Variants in VWA3B observed in about 807,000 individuals in gnomAD.
VWA3B encodes the protein von Willebrand factor A domain containing 3B, also known as von Willebrand factor A domain-containing protein 3B.
Under a neutral mutation model 158.3 loss-of-function variants are expected in VWA3B, and 138 were observed. The ratio of observed to expected loss-of-function variants is 0.87; its 90% CI spans 0.76 to 1.00. VWA3B has a LOEUF of 1.00. Among genes scored for constraint, VWA3B ranks in the 50% least tolerant of loss-of-function variants. VWA3B has a pLI of 0.00. For synonymous variants in VWA3B, 596 were observed against 587.3 expected (o/e 1.01, Z -0.21); for missense variants, 1,555 against 1,565.1 (o/e 0.99, Z 0.11).
At chr2:98,241,662 G>T (rs1302724107) in intron 19 of VWA3B, among the ~76,000 whole-genome samples, 1 of 151,970 alleles carries the variant, frequency 6.6e-6, no homozygotes, top group African/African-American at 2.4e-5. Flanking sequence ...TCTTCAGGGG[G>T]GCATCCTAGT....
chr2:98,147,958 T>C (rs753747152), intron 7 of VWA3B, among the ~76,000 whole-genome samples: 5 of 150,122 alleles, frequency 3.3e-5, no homozygotes, highest in Admixed American at 6.7e-5. Context: ...GAACATGCGG[T>C]GTTTGGTTTT....
intron 12 of VWA3B, among the ~76,000 whole-genome samples, chr2:98,194,809 AT>A (rs901545833): frequency 2.6e-5 from 4 of 151,874 alleles, no homozygotes; most frequent in African/African-American, 4.8e-5. Flanking sequence ...AGACATTCAG[AT>A]TTTTTTCTTC....
chr2:98,170,436 G>A (rs1679486191), intron 8 of VWA3B, among the ~76,000 whole-genome samples: 1 of 152,114 alleles, frequency 6.6e-6, no homozygotes, highest in Non-Finnish European at 1.5e-5. Context: ...GTTCATTCAG[G>A]CTCTGCAGGC....
Position 98,150,589 on chromosome 2 carries a change from G to C in VWA3B, c.989-12262G>C, listed in dbSNP as rs528477114. On this transcript the variant is annotated intron_variant, in intron 7 of 27. Coordinates refer to ENST00000477737, the MANE Select transcript of VWA3B (RefSeq NM_144992.5). ...ATCAAGTGAAATTGCCTCGAACCTT[G>C]ATTCTGTGGCTTGGTGGTGTCTAAA... 5.9e-5 allele frequency among the ~76,000 whole-genome samples: 9 copies of C among 152,350 alleles called. No individual in the cohort carries two copies. In the South Asian group the frequency reaches 1.9e-3, roughly 32 times the overall value.
intron 8 of VWA3B, among the ~76,000 whole-genome samples, chr2:98,179,814 C>CTTTCTTTCTT (rs1680365854): frequency 9.0e-6 from 1 of 111,614 alleles, no homozygotes; most frequent in Non-Finnish European, 1.7e-5. Context: ...TTCTTTCTTT[C>CTTTCTTTCTT]TTTCTTTCTT....
At chr2:98,242,577 C>T (rs1686146295) in intron 19 of VWA3B, among the ~76,000 whole-genome samples, 1 of 151,442 alleles carries the variant, frequency 6.6e-6, no homozygotes, top group African/African-American at 2.4e-5. Context: ...TTACAGCATC[C>T]CATCAAGGCT....
chr2:98,173,977 A>G (rs1679808553), intron 8 of VWA3B, among the ~76,000 whole-genome samples: 1 of 151,936 alleles, frequency 6.6e-6, no homozygotes, highest in Non-Finnish European at 1.5e-5. Context: ...AAAAGAAAAA[A>G]AAAATGACTG....
intron 7 of VWA3B, among the ~76,000 whole-genome samples, chr2:98,157,989 G>A (rs1254863914): frequency 6.6e-6 from 1 of 152,168 alleles, no homozygotes; most frequent in Non-Finnish European, 1.5e-5. Context: ...CTTGCTTACT[G>A]TGGCATGAAC....
intron 7 of VWA3B, among the ~76,000 whole-genome samples, chr2:98,142,674 A>T (rs1052094473): frequency 6.6e-6 from 1 of 152,214 alleles, no homozygotes; most frequent in Admixed American, 6.5e-5. Flanking sequence ...CAGAGGCATG[A>T]TGTTAAACCC....
At chr2:98,161,229 A>T (rs867249131) in intron 7 of VWA3B, among the ~76,000 whole-genome samples, 11 of 152,232 alleles carry the variant, frequency 7.2e-5, no homozygotes, top group Non-Finnish European at 1.3e-4. Context: ...GCCAGTTGCC[A>T]CCCAGATACA....
chr2:98,260,587 G>A (rs62156742), intron 21 of VWA3B, among the ~76,000 whole-genome samples: 5,879 of 151,724 alleles, frequency 0.039, 167 homozygotes, highest in Middle Eastern at 0.075. Context: ...AGAGGCTTGA[G>A]CGTCTGTGGA....
intron 14 of VWA3B, among the ~76,000 whole-genome samples, chr2:98,218,998 A>G (rs912126860): frequency 6.6e-6 from 1 of 152,218 alleles, no homozygotes; most frequent in African/African-American, 2.4e-5. Flanking sequence ...TCTTAAATGC[A>G]AGGCCTGAAA....
At chr2:98,322,517 A>G in the VWA3B span, among the ~76,000 whole-genome samples, 1 of 152,240 alleles carries the variant, frequency 6.6e-6, no homozygotes. Context: ...CATGTACAAG[A>G]GAGAACCCAG....
intron 8 of VWA3B, among the ~76,000 whole-genome samples, chr2:98,175,475 C>A (rs1679934597): frequency 6.6e-6 from 1 of 152,104 alleles, no homozygotes; most frequent in Non-Finnish European, 1.5e-5. Context: ...TTTGAGAAAG[C>A]AGAACAAACC....
intron 19 of VWA3B, among the ~76,000 whole-genome samples, chr2:98,249,328 T>G (rs1340800060): frequency 6.6e-6 from 1 of 152,162 alleles, no homozygotes; most frequent in Non-Finnish European, 1.5e-5. Context: ...GAACTTACAT[T>G]CTGATAGAGA....
At chr2:98,254,237 AAC>A (rs1686973837) in intron 20 of VWA3B, among the ~76,000 whole-genome samples, 1 of 152,064 alleles carries the variant, frequency 6.6e-6, no homozygotes, top group Admixed American at 6.5e-5. Context: ...TCAATGAGAA[AAC>A]AGTTTCCAAA....
At chr2:98,172,750 G>C (rs2105306305) in intron 8 of VWA3B, among the ~76,000 whole-genome samples, 1 of 152,306 alleles carries the variant, frequency 6.6e-6, no homozygotes, top group Non-Finnish European at 1.5e-5. Context: ...CTGAGAGAAT[G>C]CTGGAGGAGA....
chr2:98,161,048 C>T (rs962667022), intron 7 of VWA3B, among the ~76,000 whole-genome samples: 7 of 152,172 alleles, frequency 4.6e-5, no homozygotes, highest in East Asian at 3.8e-4. Flanking sequence ...CCTTTGGCCC[C>T]GGGTGGATGA....
chr2:98,181,041 T>G lies in VWA3B; in HGVS notation c.1140T>G (p.Ile380Met). The change falls in exon 9 of 28, where the codon ATT (isoleucine) becomes ATG (methionine). Residue 380 changes from isoleucine to methionine, a missense_variant. Transcript: ENST00000477737. ...DCESETTSVEIASNPEDTWDS... is the reference protein window; with the variant it reads ...DCESETTSVEMASNPEDTWDS... ...AGTCAGAAACAACCTCTGTTGAGAT[T>G]GCATCGAATCCAGAAGACACCTGGG... 1.9e-6 allele frequency: 3 copies of G among 1,614,190 alleles called. No homozygotes were observed. The South Asian group carries it at 3.3e-5, about 18-fold the overall frequency.
Sources: gnomAD v4.1 joint callset for allele counts (sites outside exome capture counted in the v4.1 genomes callset) on GRCh38, gnomAD v4.1.1 for gene constraint, MANE v1.5 for transcripts, NCBI Gene and HGNC (gene_info 2026-07-23, HGNC 2026-07-21) for gene names.